The following TRIM55 variants were observed in gnomAD, a reference collection of about 807,000 sequenced individuals.
TRIM55 encodes the protein tripartite motif containing 55, also known as tripartite motif-containing protein 55.
TRIM55 carries 50 observed loss-of-function variants against 60.9 expected under a neutral mutation model. That is an observed-to-expected ratio of 0.82 (90% CI 0.65 to 1.04). The LOEUF (loss-of-function observed/expected upper bound fraction) is 1.04. Ranked by LOEUF, TRIM55 falls within the 50% of genes least tolerant of loss-of-function variation. The pLI, the probability that TRIM55 is intolerant of heterozygous loss-of-function variation, is 0.00. For synonymous variants in TRIM55, 237 were observed against 238.1 expected (o/e 1.00, Z 0.04); for missense variants, 681 against 666.9 (o/e 1.02, Z -0.23).
chr8:66,135,283 C>T, intron 3 of TRIM55, 128 bp downstream of exon 3: 2 of 913,618 alleles, frequency 2.2e-6, no homozygotes, highest in South Asian at 1.4e-5. Context: ...CCATGGGACA[C>T]TGGAGGGCAC....
the TRIM55 span, among the ~76,000 whole-genome samples, chr8:66,114,082 AC>A: frequency 2.2e-3 from 163 of 75,312 alleles, 13 homozygotes; most frequent in East Asian, 4.9e-3. Context: ...AAGGAGAGAC[AC>A]CCCCCCCCCC....
At chr8:66,146,477 A>G (rs539573688) in intron 4 of TRIM55, among the ~76,000 whole-genome samples, 1 of 152,356 alleles carries the variant, frequency 6.6e-6, no homozygotes, top group East Asian at 1.9e-4. Context: ...CTTGGCTGCC[A>G]TAAACTTGAA....
the TRIM55 span, among the ~76,000 whole-genome samples, chr8:66,120,489 T>A: frequency 1.3e-5 from 2 of 152,200 alleles, no homozygotes; most frequent in Non-Finnish European, 2.9e-5. Flanking sequence ...CCATGTGATG[T>A]CAGCCCAACC....
intron 3 of TRIM55, among the ~76,000 whole-genome samples, chr8:66,135,525 A>G (rs1261048118): frequency 6.6e-6 from 1 of 152,232 alleles, no homozygotes; most frequent in African/African-American, 2.4e-5. Flanking sequence ...ACTACAGATA[A>G]GAAAAGGACA....
intron 4 of TRIM55, among the ~76,000 whole-genome samples, chr8:66,141,984 T>A (rs1809842435): frequency 6.6e-6 from 1 of 152,240 alleles, no homozygotes; most frequent in African/African-American, 2.4e-5. Flanking sequence ...AAAGAACAGA[T>A]TTCAGAGTTT....
At chr8:66,161,851 G>T (rs1811071135) in intron 9 of TRIM55, among the ~76,000 whole-genome samples, 1 of 150,402 alleles carries the variant, frequency 6.6e-6, no homozygotes, top group African/African-American at 2.5e-5. Flanking sequence ...CAGAGCTACT[G>T]ATTTGTGTAT....
intron 4 of TRIM55, among the ~76,000 whole-genome samples, chr8:66,142,334 T>A (rs1381827232): frequency 6.6e-6 from 1 of 152,176 alleles, no homozygotes; most frequent in Non-Finnish European, 1.5e-5. Context: ...ACGTTGAGAA[T>A]GAATGGAGCT....
intron 4 of TRIM55, among the ~76,000 whole-genome samples, chr8:66,138,966 T>A (rs575512589): frequency 3.3e-5 from 5 of 152,334 alleles, no homozygotes; most frequent in African/African-American, 1.2e-4. Flanking sequence ...ACTTATCTCA[T>A]TTTAAATTTG....
intron 9 of TRIM55, chr8:66,155,817 A>T: frequency 1.3e-6 from 1 of 773,312 alleles, no homozygotes; most frequent in Admixed American, 2.7e-5. Context: ...CTTGAGGCTC[A>T]GTCCTCCCAA....
the TRIM55 span, chr8:66,114,790 A>G: frequency 2.8e-6 from 1 of 355,102 alleles, no homozygotes; most frequent in African/African-American, 2.1e-5. Flanking sequence ...GTGAGTGGAT[A>G]AAGTCCCTGG....
At chr8:66,149,988 A>G in intron 5 of TRIM55, 110 bp downstream of exon 5, 1 of 1,002,340 alleles carries the variant, frequency 1.0e-6, no homozygotes, top group Admixed American at 2.6e-5. Context: ...TATTTTACCA[A>G]CTAAAATATA....
In TRIM55 at chr8:66,174,572, G is replaced by A; in HGVS notation, c.1626G>A (p.Trp542Ter). ...EPARHIFSFSWLNSLNE is the reference protein window; with the variant it reads ...EPARHIFSFS ...CTCGCCATATCTTCTCCTTTTCCTGGTTGAACTCCCTAAATGAATGATATT... is the reference window on the plus strand; with the variant it reads ...CTCGCCATATCTTCTCCTTTTCCTGATTGAACTCCCTAAATGAATGATATT... Residue 542 changes from tryptophan to a stop codon, truncating the protein, a stop_gained, in exon 10 of 10, where the codon TGG (tryptophan) becomes TGA (stop). Transcript: ENST00000315962. LOFTEE classifies it high-confidence loss of function. The A allele has an allele frequency of 6.2e-7, 1 of 1,603,414 alleles. No individual in the cohort carries two copies. The highest frequency in any genetic ancestry group is 8.5e-7 in the Non-Finnish European group (1 of 1,176,358).
intron 9 of TRIM55, among the ~76,000 whole-genome samples, chr8:66,161,875 C>A (rs1428291159): frequency 1.3e-5 from 2 of 150,176 alleles, no homozygotes; most frequent in South Asian, 2.1e-4. Context: ...AATTTTGTAT[C>A]CTGAAACTTT....
chr8:66,173,514 T>C (rs1043315931), intron 9 of TRIM55, among the ~76,000 whole-genome samples: 1 of 152,258 alleles, frequency 6.6e-6, no homozygotes, highest in Non-Finnish European at 1.5e-5. Context: ...CTGAGCTGAA[T>C]GCATGTGGCT....
At chr8:66,121,618 A>G in the TRIM55 span, among the ~76,000 whole-genome samples, 1 of 152,224 alleles carries the variant, frequency 6.6e-6, no homozygotes, top group Admixed American at 6.5e-5. Flanking sequence ...CCAGGTGGTC[A>G]GCTGTTAAAC....
At chr8:66,142,987 C>T (rs1809903529) in intron 4 of TRIM55, among the ~76,000 whole-genome samples, 1 of 150,664 alleles carries the variant, frequency 6.6e-6, no homozygotes, top group Non-Finnish European at 1.5e-5. Flanking sequence ...CTACAGGCTG[C>T]TTTTCTTTTC....
At chr8:66,160,434 T>C (rs1810983938) in intron 9 of TRIM55, among the ~76,000 whole-genome samples, 1 of 152,072 alleles carries the variant, frequency 6.6e-6, no homozygotes, top group East Asian at 1.9e-4. Flanking sequence ...TTTGGGCTGG[T>C]TTCATAATTT....
chr8:66,122,629 C>T (rs1298970221), upstream of TRIM55, among the ~76,000 whole-genome samples: 2 of 152,136 alleles, frequency 1.3e-5, no homozygotes, highest in Non-Finnish European at 2.9e-5. Context: ...TTCTAAGCCC[C>T]CCAACTCACT....
intron 9 of TRIM55, among the ~76,000 whole-genome samples, chr8:66,165,547 G>T (rs1448509460): frequency 6.6e-6 from 1 of 152,110 alleles, no homozygotes; most frequent in Non-Finnish European, 1.5e-5. Context: ...ATTTAACTCT[G>T]TTCTCTAAAT....
Sources: gnomAD v4.1 joint callset for allele counts (sites outside exome capture counted in the v4.1 genomes callset) on GRCh38, gnomAD v4.1.1 for gene constraint, MANE v1.5 for transcripts, NCBI Gene and HGNC (gene_info 2026-07-23, HGNC 2026-07-21) for gene names.